The following SCHIP1 variants were observed in gnomAD, a reference collection of about 807,000 sequenced individuals.
SCHIP1 encodes the protein schwannomin interacting protein 1, also known as schwannomin-interacting protein 1.
In SCHIP1, 8 loss-of-function variants were observed where a neutral mutation model predicts 29.7. The observed-to-expected ratio is 0.27, with a 90% CI of 0.16 to 0.49. The LOEUF (loss-of-function observed/expected upper bound fraction) is 0.49. SCHIP1 is among the 20% of genes least tolerant of loss of function. The pLI is 0.99. For missense variants in SCHIP1, 193 were observed against 294.6 expected, an observed-to-expected ratio of 0.66 and a Z score of 2.52; for synonymous variants, 76 against 94.9, an observed-to-expected ratio of 0.80 and a Z score of 1.16.
the SCHIP1 span, among the ~76,000 whole-genome samples, chr3:159,574,897 G>A: frequency 6.6e-6 from 1 of 152,242 alleles, no homozygotes; most frequent in Non-Finnish European, 1.5e-5. Context: ...CTGTGGGCAT[G>A]GGACCTGCCA....
At chr3:159,333,060 T>C in the SCHIP1 span, among the ~76,000 whole-genome samples, 4 of 152,168 alleles carry the variant, frequency 2.6e-5, no homozygotes, top group Admixed American at 6.6e-5. Context: ...AGACTGTTAC[T>C]TTTCAAATAA....
the SCHIP1 span, among the ~76,000 whole-genome samples, chr3:159,795,853 A>G: frequency 1.1e-4 from 17 of 152,178 alleles, no homozygotes; most frequent in African/African-American, 4.1e-4. Context: ...ACGGAAGCCA[A>G]TAGTAAGAGG....
the SCHIP1 span, among the ~76,000 whole-genome samples, chr3:159,704,864 TTTTC>T: frequency 0.12 from 16,362 of 132,980 alleles, 1,241 homozygotes; most frequent in Non-Finnish European, 0.17. Context: ...TTCCTTCCTT[TTTTC>T]TTTCTTTCTT....
the SCHIP1 span, among the ~76,000 whole-genome samples, chr3:159,585,209 A>G: frequency 6.6e-6 from 1 of 152,050 alleles, no homozygotes; most frequent in African/African-American, 2.4e-5. Flanking sequence ...TCAGAATATT[A>G]ACTCCACAAG....
the SCHIP1 span, among the ~76,000 whole-genome samples, chr3:159,509,167 A>G: frequency 6.6e-6 from 1 of 152,162 alleles, no homozygotes; most frequent in Non-Finnish European, 1.5e-5. Flanking sequence ...TTGGGTGCAT[A>G]TATATTTAGG....
the SCHIP1 span, among the ~76,000 whole-genome samples, chr3:159,343,324 A>G: frequency 6.6e-6 from 1 of 152,238 alleles, no homozygotes; most frequent in Non-Finnish European, 1.5e-5. Flanking sequence ...ACATACATAC[A>G]TTTTAATTAG....
chr3:159,649,258 CCTCT>C, the SCHIP1 span, among the ~76,000 whole-genome samples: 2 of 152,134 alleles, frequency 1.3e-5, no homozygotes, highest in Non-Finnish European at 2.9e-5. Flanking sequence ...TCACCTTGGG[CCTCT>C]CTCTGTCAGT....
At chr3:159,420,841 G>C in the SCHIP1 span, among the ~76,000 whole-genome samples, 2 of 152,138 alleles carry the variant, frequency 1.3e-5, no homozygotes, top group Non-Finnish European at 2.9e-5. Flanking sequence ...GTGGGCAATT[G>C]GTAACACCTG....
chr3:159,761,371 C>T, the SCHIP1 span, among the ~76,000 whole-genome samples: 1 of 152,186 alleles, frequency 6.6e-6, no homozygotes, highest in South Asian at 2.1e-4. Flanking sequence ...CACAAAGGTG[C>T]TTATCCCACA....
the SCHIP1 span, among the ~76,000 whole-genome samples, chr3:159,315,465 T>G: frequency 6.6e-6 from 1 of 150,876 alleles, no homozygotes; most frequent in East Asian, 1.9e-4. Context: ...CCTGACCTCA[T>G]GATCCACCCA....
chr3:159,880,435 C>T (rs544383026), intron 2 of SCHIP1, among the ~76,000 whole-genome samples: 4 of 152,338 alleles, frequency 2.6e-5, no homozygotes, highest in Admixed American at 1.3e-4. Context: ...CCTTCCAATG[C>T]TCTGTGTATT....
chr3:159,525,234 C>T, the SCHIP1 span, among the ~76,000 whole-genome samples: 1 of 152,168 alleles, frequency 6.6e-6, no homozygotes, highest in Non-Finnish European at 1.5e-5. Context: ...TATTTTTCTC[C>T]AATTTCTAAT....
At chr3:159,729,103 A>T in the SCHIP1 span, among the ~76,000 whole-genome samples, 1 of 152,070 alleles carries the variant, frequency 6.6e-6, no homozygotes, top group Non-Finnish European at 1.5e-5. Flanking sequence ...AGCTGAGATC[A>T]CACCACTGCA....
chr3:159,787,359 T>G, the SCHIP1 span, among the ~76,000 whole-genome samples: 2 of 152,340 alleles, frequency 1.3e-5, no homozygotes, highest in African/African-American at 4.8e-5. Flanking sequence ...CATCACACTT[T>G]ACCCCACATA....
chr3:159,649,463 C>T, the SCHIP1 span, among the ~76,000 whole-genome samples: 1 of 151,922 alleles, frequency 6.6e-6, no homozygotes, highest in East Asian at 1.9e-4. Context: ...TGAATAAAAA[C>T]AGCGAAAGAA....
chr3:159,516,970 TTTTG>T, the SCHIP1 span, among the ~76,000 whole-genome samples: 2 of 152,180 alleles, frequency 1.3e-5, no homozygotes, highest in African/African-American at 2.4e-5. Context: ...AAAATTCTAT[TTTTG>T]TTTATTTTTT....
chr3:159,440,318 TA>T, the SCHIP1 span, among the ~76,000 whole-genome samples: 1 of 152,134 alleles, frequency 6.6e-6, no homozygotes, highest in Admixed American at 6.6e-5. Context: ...TGTAGCCCTA[TA>T]ATGTAGTTGG....
the SCHIP1 span, chr3:159,765,260 G>T: frequency 8.4e-7 from 1 of 1,193,980 alleles, no homozygotes; most frequent in Non-Finnish European, 1.1e-6. Context: ...CCTCGAGGGT[G>T]GGGGCCAGGC....
At chr3:159,493,228 C>T in the SCHIP1 span, among the ~76,000 whole-genome samples, 1 of 152,184 alleles carries the variant, frequency 6.6e-6, no homozygotes, top group Non-Finnish European at 1.5e-5. Context: ...ATCATAATGA[C>T]AGGATCAAAT....
Sources: allele counts gnomAD v4.1 joint callset (sites outside exome capture counted in the v4.1 genomes callset), GRCh38; gene constraint gnomAD v4.1.1; transcripts MANE v1.5; gene names NCBI Gene and HGNC (gene_info 2026-07-23, HGNC 2026-07-21).